Variants in DGKB observed in about 807,000 individuals in gnomAD.
DGKB encodes 90 kDa diacylglycerol kinase.
In DGKB, 67 loss-of-function variants were observed where a neutral mutation model predicts 114.3. The observed-to-expected ratio is 0.59, with a 90% CI of 0.48 to 0.72. The LOEUF (loss-of-function observed/expected upper bound fraction) is 0.72. DGKB is among the 30% of genes least tolerant of loss of function. The pLI, the probability that DGKB is intolerant of heterozygous loss-of-function variation, is 0.00. For missense variants in DGKB, 907 were observed against 975.2 expected (o/e 0.93, Z 0.93); for synonymous variants, 398 against 323.1 (o/e 1.23, Z -2.49).
At chr7:14,492,372 G>A (rs1709236364) in intron 20 of DGKB, among the ~76,000 whole-genome samples, 1 of 151,982 alleles carries the variant, frequency 6.6e-6, no homozygotes, top group Non-Finnish European at 1.5e-5. Context: ...AGCCCTGAGG[G>A]AAAATTTAAA....
intron 20 of DGKB, among the ~76,000 whole-genome samples, chr7:14,567,024 C>A (rs1172747422): frequency 5.0e-5 from 7 of 139,728 alleles, no homozygotes; most frequent in African/African-American, 1.6e-4. Flanking sequence ...AAAAATATCT[C>A]CTTGCATCAT....
intron 9 of DGKB, among the ~76,000 whole-genome samples, chr7:14,686,947 G>A (rs10262035): frequency 0.5 from 76,572 of 151,794 alleles, 19,680 homozygotes; most frequent in East Asian, 0.82. Context: ...CCCTCCAGAG[G>A]AGAGGGCCAG....
intron 4 of DGKB, among the ~76,000 whole-genome samples, chr7:14,748,754 T>C (rs1030436274): frequency 1.3e-5 from 2 of 152,210 alleles, no homozygotes; most frequent in Non-Finnish European, 2.9e-5. Flanking sequence ...ATAACACTTA[T>C]TTGTATCAGA....
chr7:14,597,377 T>A (rs1476053053), intron 17 of DGKB, among the ~76,000 whole-genome samples: 1 of 152,192 alleles, frequency 6.6e-6, no homozygotes, highest in Non-Finnish European at 1.5e-5. Flanking sequence ...GGAAATGATA[T>A]GTACATAATT....
intron 25 of DGKB, among the ~76,000 whole-genome samples, chr7:14,154,115 GC>G: frequency 6.6e-6 from 1 of 151,004 alleles, no homozygotes; most frequent in East Asian, 1.9e-4. Flanking sequence ...AAAGAGAAGG[GC>G]TTCTGGCATA....
chr7:14,584,880 A>G (rs983627166), intron 17 of DGKB, among the ~76,000 whole-genome samples: 1 of 152,006 alleles, frequency 6.6e-6, no homozygotes, highest in African/African-American at 2.4e-5. Context: ...GGCTGGTCTC[A>G]TACTGTTGAC....
intron 21 of DGKB, among the ~76,000 whole-genome samples, chr7:14,448,339 G>T (rs1831011024): frequency 1.3e-5 from 2 of 151,996 alleles, no homozygotes; most frequent in South Asian, 4.1e-4. Flanking sequence ...TAATTTGGGG[G>T]TAGAGATGGG....
intron 21 of DGKB, among the ~76,000 whole-genome samples, chr7:14,416,910 T>C (rs1714290918): frequency 6.6e-6 from 1 of 152,062 alleles, no homozygotes; most frequent in African/African-American, 2.4e-5. Flanking sequence ...ATTGTAACCA[T>C]TGCCTTCAAT....
At position 14,682,032 on chromosome 7, in the gene DGKB, G is replaced by A. The variant is rs370413066; in HGVS notation, c.1035+521C>T. On this transcript the variant is annotated intron_variant, in intron 12 of 25. Coordinates refer to ENST00000402815, the MANE Select transcript of DGKB (RefSeq NM_001350709.2). ...TCTACTTGCCCTTCTATCTAGTCAC[G>A]TGGTCAAGGACAATCTGCTTAACTT... Among the ~76,000 whole-genome samples the A allele has an allele frequency of 2.2e-5, 3 of 137,800 alleles. No individual in the cohort carries two copies. In the East Asian group the frequency reaches 7.2e-4, roughly 33 times the overall value. The allele number at this position is 137,800 out of a possible 152,430, so 90.4% of individuals were successfully genotyped here. A position where few individuals can be genotyped will look rare whatever the true frequency, so the allele number is the denominator to read the frequency against.
intron 21 of DGKB, among the ~76,000 whole-genome samples, chr7:14,406,019 G>A (rs943370978): frequency 1.3e-5 from 2 of 151,944 alleles, no homozygotes; most frequent in Admixed American, 1.3e-4. Context: ...GCCCAGGGGT[G>A]GAGTGACCCA....
intron 21 of DGKB, among the ~76,000 whole-genome samples, chr7:14,464,569 G>A (rs909869316): frequency 1.3e-5 from 2 of 152,168 alleles, no homozygotes; most frequent in Non-Finnish European, 2.9e-5. Context: ...AGACATAAAT[G>A]TACATGTAAA....
rs776042729 is a variant in DGKB at position 14,244,472 on chromosome 7, C to G, written c.2123-66321G>C. Among the ~76,000 whole-genome samples, 9 of 150,634 alleles carry G rather than the reference C, an allele frequency of 6.0e-5. No homozygotes were observed. In the South Asian group the frequency reaches 8.4e-4, roughly 14 times the overall value. ...GAGATCAAGATCATCCTGGCTAACA[C>G]GGTGAAACCCCGTCTCTACTAAAAG... On this transcript the variant is annotated intron_variant, in intron 23 of 25. Transcript: ENST00000402815.
intron 23 of DGKB, among the ~76,000 whole-genome samples, chr7:14,275,545 G>A (rs1798872292): frequency 6.6e-6 from 1 of 152,134 alleles, no homozygotes; most frequent in Non-Finnish European, 1.5e-5. Flanking sequence ...ATGTGGGAAT[G>A]AGTCAAATAG....
At chr7:14,196,945 G>C (rs902977929) in intron 23 of DGKB, among the ~76,000 whole-genome samples, 1 of 151,994 alleles carries the variant, frequency 6.6e-6, no homozygotes, top group Non-Finnish European at 1.5e-5. Context: ...TCTAGCTTTT[G>C]GAAAATACAG....
intron 1 of DGKB, among the ~76,000 whole-genome samples, chr7:14,923,983 CA>C (rs56032330): frequency 0.024 from 1,854 of 76,020 alleles, 37 homozygotes; most frequent in African/African-American, 0.098. Flanking sequence ...AGCTCCATCT[CA>C]AAAAAAAAAA....
intron 21 of DGKB, among the ~76,000 whole-genome samples, chr7:14,402,337 C>G (rs1185499126): frequency 6.6e-6 from 1 of 151,838 alleles, no homozygotes; most frequent in Non-Finnish European, 1.5e-5. Context: ...AAAGATGATA[C>G]TCCTACCCAT....
intron 13 of DGKB, among the ~76,000 whole-genome samples, chr7:14,655,568 A>C (rs1815603881): frequency 6.6e-6 from 1 of 151,754 alleles, no homozygotes; most frequent in African/African-American, 2.4e-5. Flanking sequence ...TTGTGTATCA[A>C]AGTGACATCT....
At chr7:14,368,499 T>C (rs11983247) in intron 21 of DGKB, among the ~76,000 whole-genome samples, 361 of 152,096 alleles carry the variant, frequency 2.4e-3, no homozygotes, top group African/African-American at 8.2e-3. Flanking sequence ...AATCATCAGC[T>C]TGAGTTGACT....
At chr7:14,541,108 CTTT>C (rs200110793) in intron 20 of DGKB, among the ~76,000 whole-genome samples, 1 of 146,042 alleles carries the variant, frequency 6.8e-6, no homozygotes, top group Admixed American at 6.9e-5. Flanking sequence ...TGTTGGTCTC[CTTT>C]TTTTTTTTTC....
Sources: gnomAD v4.1 joint callset for allele counts (sites outside exome capture counted in the v4.1 genomes callset) on GRCh38, gnomAD v4.1.1 for gene constraint, MANE v1.5 for transcripts, NCBI Gene and HGNC (gene_info 2026-07-23, HGNC 2026-07-21) for gene names.